Variants in SLC41A2 observed in about 807,000 individuals in gnomAD.
SLC41A2 encodes solute carrier family 41 member 2.
In SLC41A2, 32 loss-of-function variants were observed where a neutral mutation model predicts 58.3. That is an observed-to-expected ratio of 0.55 (90% CI 0.41 to 0.74). The LOEUF is 0.74. Among genes scored for constraint, SLC41A2 ranks in the 30% least tolerant of loss-of-function variants. The probability of loss-of-function intolerance (pLI) is 0.00; values close to 1 mark genes in which losing one functional copy is unlikely to be tolerated. For missense variants in SLC41A2, 514 were observed against 680.6 expected, an observed-to-expected ratio of 0.76 and a Z score of 2.72; for synonymous variants, 190 against 235.0, an observed-to-expected ratio of 0.81 and a Z score of 1.75.
intron 4 of SLC41A2, among the ~76,000 whole-genome samples, chr12:104,890,075 C>A (rs2044876543): frequency 6.6e-6 from 1 of 152,102 alleles, no homozygotes; most frequent in Non-Finnish European, 1.5e-5. Flanking sequence ...GAATAGAGTT[C>A]TCTTTCTCTA....
intron 2 of SLC41A2, among the ~76,000 whole-genome samples, chr12:104,915,233 T>C (rs929841948): frequency 3.3e-5 from 5 of 152,186 alleles, no homozygotes; most frequent in African/African-American, 1.2e-4. Flanking sequence ...AACTTTAAAA[T>C]GACAGAGAAC....
intron 3 of SLC41A2, among the ~76,000 whole-genome samples, chr12:104,905,633 G>A (rs1161893052): frequency 2.0e-5 from 3 of 152,264 alleles, no homozygotes; most frequent in Admixed American, 2.0e-4. Context: ...AGGCATGGCA[G>A]GCTGCAGGTC....
intron 7 of SLC41A2, among the ~76,000 whole-genome samples, chr12:104,862,280 T>C (rs1278308576): frequency 6.6e-6 from 1 of 152,220 alleles, no homozygotes. Flanking sequence ...AAAGGAATTA[T>C]GCCTTAATAG....
At chr12:104,865,715 C>T (rs143201223) in intron 7 of SLC41A2, among the ~76,000 whole-genome samples, 9 of 152,150 alleles carry the variant, frequency 5.9e-5, no homozygotes, top group East Asian at 1.9e-4. Flanking sequence ...GGAAAAGAAA[C>T]GTTTCTTAAT....
intron 1 of SLC41A2, among the ~76,000 whole-genome samples, chr12:104,939,907 C>T (rs1194607233): frequency 6.6e-6 from 1 of 152,108 alleles, no homozygotes; most frequent in Non-Finnish European, 1.5e-5. Context: ...TAGAAATAGA[C>T]TTATTTTATG....
At chr12:104,816,517 C>A (rs987430335) in intron 10 of SLC41A2, among the ~76,000 whole-genome samples, 4 of 152,128 alleles carry the variant, frequency 2.6e-5, no homozygotes, top group Non-Finnish European at 1.5e-5. Context: ...ATGGAGGCAT[C>A]CTCTGCTGGT....
intron 1 of SLC41A2, among the ~76,000 whole-genome samples, chr12:104,957,664 T>C (rs2048218239): frequency 6.6e-6 from 1 of 152,202 alleles, no homozygotes; most frequent in African/African-American, 2.4e-5. Flanking sequence ...GCTCCGTGTA[T>C]ATAAAGAGAA....
intron 10 of SLC41A2, among the ~76,000 whole-genome samples, chr12:104,837,454 A>G (rs562450534): frequency 6.6e-6 from 1 of 152,136 alleles, no homozygotes; most frequent in African/African-American, 2.4e-5. Context: ...ACCTCCCTGG[A>G]ATGGGAAAGG....
chr12:104,935,529 G>A (rs180927426), intron 1 of SLC41A2, among the ~76,000 whole-genome samples: 51 of 152,080 alleles, frequency 3.4e-4, no homozygotes, highest in Admixed American at 5.9e-4. Context: ...TTCATGTACT[G>A]TCAATAAAAA....
intron 8 of SLC41A2, among the ~76,000 whole-genome samples, chr12:104,856,805 G>A (rs1242474550): frequency 6.6e-6 from 1 of 152,120 alleles, no homozygotes; most frequent in East Asian, 1.9e-4. Context: ...GAAAGAGCAC[G>A]CTGGGAGAGA....
At chr12:104,948,048 A>C (rs770757692) in intron 1 of SLC41A2, among the ~76,000 whole-genome samples, 1 of 152,182 alleles carries the variant, frequency 6.6e-6, no homozygotes, top group Non-Finnish European at 1.5e-5. Context: ...TCTCGGAAAT[A>C]ATTAAAATTG....
chr12:104,942,136 A>G (rs2047533875), intron 1 of SLC41A2, among the ~76,000 whole-genome samples: 1 of 152,122 alleles, frequency 6.6e-6, no homozygotes, highest in South Asian at 2.1e-4. Flanking sequence ...CATTTCTTAC[A>G]TGTATCTTAT....
intron 8 of SLC41A2, among the ~76,000 whole-genome samples, chr12:104,855,388 CTA>C (rs964518928): frequency 6.6e-6 from 1 of 152,106 alleles, no homozygotes. Context: ...ATCAGAGTGA[CTA>C]TGTTTGTGTT....
intron 10 of SLC41A2, among the ~76,000 whole-genome samples, chr12:104,819,616 T>C (rs2136233218): frequency 6.6e-6 from 1 of 152,328 alleles, no homozygotes; most frequent in East Asian, 1.9e-4. Flanking sequence ...AAATAAACTA[T>C]GAAGAATGAG....
chr12:104,898,990 T>C (rs999651077), intron 3 of SLC41A2, among the ~76,000 whole-genome samples: 10 of 152,130 alleles, frequency 6.6e-5, no homozygotes, highest in African/African-American at 1.7e-4. Context: ...CTGGTAACAA[T>C]GTAGAGCAAC....
At chr12:104,955,100 C>A (rs2048110812) in intron 1 of SLC41A2, among the ~76,000 whole-genome samples, 1 of 148,764 alleles carries the variant, frequency 6.7e-6, no homozygotes, top group Non-Finnish European at 1.5e-5. Context: ...GCAACTTCCA[C>A]CACCTCCTGG....
chr12:104,865,918 G>A (rs1280330564), intron 7 of SLC41A2, among the ~76,000 whole-genome samples: 2 of 151,954 alleles, frequency 1.3e-5, no homozygotes, highest in South Asian at 4.2e-4. Context: ...ATTTATTTTT[G>A]TTATTAAAAA....
intron 1 of SLC41A2, among the ~76,000 whole-genome samples, chr12:104,933,676 TACACACACACACATAC>T (rs1250828588): frequency 8.1e-5 from 12 of 148,876 alleles, no homozygotes; most frequent in African/African-American, 2.5e-4. Flanking sequence ...AGAAAATAAA[TACACACACACACATAC>T]ACACACACAC....
intron 10 of SLC41A2, among the ~76,000 whole-genome samples, chr12:104,843,518 T>C (rs1478658303): frequency 6.6e-6 from 1 of 152,086 alleles, no homozygotes; most frequent in Non-Finnish European, 1.5e-5. Flanking sequence ...TGTTAGATCC[T>C]ATATATGAAT....
Sources: allele counts gnomAD v4.1 joint callset (sites outside exome capture counted in the v4.1 genomes callset), GRCh38; gene constraint gnomAD v4.1.1; transcripts MANE v1.5; gene names NCBI Gene and HGNC (gene_info 2026-07-23, HGNC 2026-07-21).